OCIAD1: variants seen among roughly 807,000 people sequenced by gnomAD.
OCIAD1 encodes OCIA domain-containing protein 1.
OCIAD1 carries 29 observed loss-of-function variants against 38.9 expected under a neutral mutation model. The observed-to-expected ratio is 0.74, with a 90% CI of 0.55 to 1.02. OCIAD1 has a LOEUF of 1.02. Ranked by LOEUF, OCIAD1 falls within the 50% of genes least tolerant of loss-of-function variation. OCIAD1 has a pLI of 0.00. For missense variants in OCIAD1, 288 were observed against 289.6 expected, an observed-to-expected ratio of 0.99 and a Z score of 0.04; for synonymous variants, 110 against 92.0, an observed-to-expected ratio of 1.20 and a Z score of -1.12.
At chr4:48,838,475 T>C (rs1235004340) in intron 3 of OCIAD1, among the ~76,000 whole-genome samples, 1 of 152,194 alleles carries the variant, frequency 6.6e-6, no homozygotes, top group Non-Finnish European at 1.5e-5. Flanking sequence ...ACCAAGGTGT[T>C]GTTGCATATT....
chr4:48,825,683 A>G (rs1304750591), intron 1 of OCIAD1, among the ~76,000 whole-genome samples: 2 of 152,208 alleles, frequency 1.3e-5, no homozygotes, highest in African/African-American at 4.8e-5. Context: ...TGGCATACCT[A>G]TAACACATCC....
chr4:48,812,544 G>A (rs1560406621), intron 1 of OCIAD1, among the ~76,000 whole-genome samples: 2 of 152,144 alleles, frequency 1.3e-5, no homozygotes, highest in East Asian at 3.9e-4. Context: ...TTTGGAACAA[G>A]AGAAGAGAAT....
intron 8 of OCIAD1, among the ~76,000 whole-genome samples, chr4:48,857,677 C>T (rs1177511945): frequency 1.3e-5 from 2 of 151,996 alleles, no homozygotes; most frequent in African/African-American, 4.8e-5. Context: ...CCACGCCCAG[C>T]TAATTTTTTG....
At chr4:48,854,702 C>T (rs1257241780) in intron 7 of OCIAD1, among the ~76,000 whole-genome samples, 2 of 152,222 alleles carry the variant, frequency 1.3e-5, no homozygotes, top group Non-Finnish European at 2.9e-5. Flanking sequence ...CTTCTGACCC[C>T]CTTCTCTAAA....
At chr4:48,821,384 G>A (rs1443737040) in intron 1 of OCIAD1, among the ~76,000 whole-genome samples, 1 of 152,130 alleles carries the variant, frequency 6.6e-6, no homozygotes, top group Non-Finnish European at 1.5e-5. Context: ...TAAACTAGGT[G>A]TGGATGGAAC....
intron 3 of OCIAD1, among the ~76,000 whole-genome samples, chr4:48,842,236 T>C (rs1303732970): frequency 6.6e-6 from 1 of 152,250 alleles, no homozygotes; most frequent in Non-Finnish European, 1.5e-5. Flanking sequence ...GCACAGAATT[T>C]AGTCATTACT....
At chr4:48,817,203 C>T (rs1777152019) in intron 1 of OCIAD1, among the ~76,000 whole-genome samples, 2 of 152,180 alleles carry the variant, frequency 1.3e-5, no homozygotes, top group South Asian at 4.1e-4. Flanking sequence ...ACCTCCCTCC[C>T]CTAGCCAAGG....
intron 3 of OCIAD1, among the ~76,000 whole-genome samples, chr4:48,840,593 A>C (rs1304134022): frequency 2.0e-5 from 3 of 152,208 alleles, no homozygotes; most frequent in Non-Finnish European, 4.4e-5. Context: ...TGTCTTAATT[A>C]CTTTGGTTCT....
At chr4:48,844,362 A>G (rs901076471) in intron 4 of OCIAD1, among the ~76,000 whole-genome samples, 2 of 152,084 alleles carry the variant, frequency 1.3e-5, no homozygotes, top group Non-Finnish European at 2.9e-5. Flanking sequence ...AGGGTACGGT[A>G]GAAGTGATAT....
chr4:48,848,468 G>A (rs1779152236), intron 5 of OCIAD1, 22 bp downstream of exon 5: 1 of 1,250,348 alleles, frequency 8.0e-7, no homozygotes, highest in East Asian at 2.5e-5. Flanking sequence ...CAACATTGTA[G>A]TTTTCATAGC....
intron 3 of OCIAD1, among the ~76,000 whole-genome samples, chr4:48,834,228 A>G (rs1777777122): frequency 1.3e-5 from 2 of 152,110 alleles, no homozygotes; most frequent in Non-Finnish European, 1.5e-5. Context: ...CTGGAGTACA[A>G]TGGTGTGATC....
intron 1 of OCIAD1, among the ~76,000 whole-genome samples, chr4:48,815,248 G>T (rs750855049): frequency 3.0e-4 from 46 of 152,266 alleles, no homozygotes; most frequent in South Asian, 8.3e-4. Context: ...AGAAGGCGGA[G>T]GTTGCAGTGA....
intron 7 of OCIAD1, among the ~76,000 whole-genome samples, chr4:48,854,703 C>CT (rs1263889183): frequency 6.6e-6 from 1 of 152,230 alleles, no homozygotes; most frequent in Non-Finnish European, 1.5e-5. Flanking sequence ...TTCTGACCCC[C>CT]TTCTCTAAAT....
chr4:48,832,651 G>T lies in OCIAD1; in HGVS notation c.27G>T (p.Glu9Asp), dbSNP rs1331538575. The change falls in exon 2 of 9, where the codon GAG (glutamate) becomes GAT (aspartate). Residue 9 changes from glutamate (E) to aspartate (D), a missense_variant. Physicochemically the swap from Glu to Asp is conservative, Grantham distance 45 (BLOSUM62 2). Transcript: ENST00000264312. MNGRADFREPNAEVPRPIP... is the reference protein window; with the variant it reads MNGRADFRDPNAEVPRPIP... ...TGAATGGGAGGGCTGATTTTCGAGA[G>T]CCGAATGCAGAGGTTCCAAGACCAA... The T allele has an allele frequency of 6.2e-7, 1 of 1,613,350 alleles. No homozygotes were observed. Among genetic ancestry groups the T allele is most frequent in the South Asian group, 1.1e-5 (1 of 91,076 alleles).
chr4:48,820,730 C>A (rs1777185857), intron 1 of OCIAD1, among the ~76,000 whole-genome samples: 1 of 152,152 alleles, frequency 6.6e-6, no homozygotes, highest in South Asian at 2.1e-4. Flanking sequence ...ACCACTGATT[C>A]CACAGAAATA....
chr4:48,817,060 T>C (rs1232738231), intron 1 of OCIAD1, among the ~76,000 whole-genome samples: 1 of 152,114 alleles, frequency 6.6e-6, no homozygotes, highest in African/African-American at 2.4e-5. Flanking sequence ...CAGAAGGTGG[T>C]TGATTTCTGC....
At chr4:48,851,772 A>T (rs1466778398) in intron 6 of OCIAD1, 34 bp from the exon 7 acceptor site, 1 of 1,280,806 alleles carries the variant, frequency 7.8e-7, no homozygotes, top group South Asian at 1.2e-5. Context: ...GCAATGACTC[A>T]TATTTCTTAC....
intron 1 of OCIAD1, among the ~76,000 whole-genome samples, chr4:48,822,425 C>T (rs1244301089): frequency 6.6e-6 from 1 of 152,098 alleles, no homozygotes; most frequent in African/African-American, 2.4e-5. Context: ...AATGTAAAAC[C>T]CCAAATCATA....
intron 1 of OCIAD1, among the ~76,000 whole-genome samples, chr4:48,808,564 C>CCTT (rs1300494239): frequency 6.6e-6 from 1 of 152,034 alleles, no homozygotes; most frequent in East Asian, 1.9e-4. Context: ...GGATTAAGGA[C>CCTT]CTTACAGAAG....
Sources: allele counts gnomAD v4.1 joint callset (sites outside exome capture counted in the v4.1 genomes callset), GRCh38; gene constraint gnomAD v4.1.1; transcripts MANE v1.5; gene names NCBI Gene and HGNC (gene_info 2026-07-23, HGNC 2026-07-21).